PDILT: variants seen among roughly 807,000 people sequenced by gnomAD.
PDILT encodes protein disulfide isomerase like, testis expressed, also known as protein disulfide-isomerase-like protein of the testis.
PDILT carries 43 observed loss-of-function variants against 53.7 expected under a neutral mutation model. The ratio of observed to expected loss-of-function variants is 0.80; its 90% CI spans 0.63 to 1.03. The LOEUF (loss-of-function observed/expected upper bound fraction) is 1.03, where lower values mean the gene tolerates loss of function less well. PDILT is among the 50% of genes least tolerant of loss of function. The pLI is 0.00. For missense variants in PDILT, 727 were observed against 712.3 expected (o/e 1.02, Z -0.24); for synonymous variants, 282 against 274.2 (o/e 1.03, Z -0.28).
Position 20,359,244 on chromosome 16 carries a change from T to A in PDILT, c.*75A>T. On this transcript the variant is annotated 3_prime_UTR_variant, in exon 12 of 12. Coordinates refer to ENST00000302451, the MANE Select transcript of PDILT (RefSeq NM_174924.2). ...ACCCTACCACAATGATATATGCTTTTATTGGAATCAATCCATTCAGAAAAT... is the reference window on the plus strand; with the variant it reads ...ACCCTACCACAATGATATATGCTTTAATTGGAATCAATCCATTCAGAAAAT... The A allele has an allele frequency of 6.3e-7, 1 of 1,579,044 alleles. No homozygotes were observed. The highest frequency in any genetic ancestry group is 1.8e-5 in the Admixed American group (1 of 55,668).
At chr16:20,395,235 A>G (rs1966648137) in intron 2 of PDILT, among the ~76,000 whole-genome samples, 1 of 152,180 alleles carries the variant, frequency 6.6e-6, no homozygotes, top group Non-Finnish European at 1.5e-5. Flanking sequence ...GGAAACCTAA[A>G]ACATTCACCA....
chr16:20,373,522 C>T (rs2141714630), intron 5 of PDILT, among the ~76,000 whole-genome samples: 1 of 152,306 alleles, frequency 6.6e-6, no homozygotes, highest in South Asian at 2.1e-4. Context: ...CAGGACTTCT[C>T]TGATAGGTGT....
At chr16:20,403,344 C>T (rs948450815) in intron 1 of PDILT, among the ~76,000 whole-genome samples, 3 of 152,144 alleles carry the variant, frequency 2.0e-5, no homozygotes, top group Admixed American at 6.5e-5. Flanking sequence ...GGCTGGAGTG[C>T]AATCACATGA....
At position 20,376,159 on chromosome 16, in the gene PDILT, T is replaced by A; in HGVS notation, c.452A>T (p.Gln151Leu). 2 of 1,614,224 alleles carry A rather than the reference T, an allele frequency of 1.2e-6. 1 individual carries two copies. Residue 151 changes from glutamine to leucine, a missense_variant, in exon 4 of 12, where the codon CAA (glutamine) becomes CTA (leucine). By Grantham distance (113) the Gln-to-Leu change is moderately radical. Transcript: ENST00000302451. ...GAACAAAAATGCTTTCTGGCTAATT[T>A]GTCGTCTCAACCAAACGACTAAGGC... ...SAALVVWLRR[Q>L]ISQKAFLFNS...
intron 4 of PDILT, 122 bp downstream of exon 4, chr16:20,375,946 A>T: frequency 6.3e-6 from 8 of 1,277,392 alleles, no homozygotes; most frequent in Non-Finnish European, 6.5e-6. Flanking sequence ...TCCCCTAAAA[A>T]CCAGATCATT....
chr16:20,399,791 C>T (rs912423470), intron 1 of PDILT, among the ~76,000 whole-genome samples: 2 of 150,480 alleles, frequency 1.3e-5, no homozygotes, highest in African/African-American at 4.9e-5. Context: ...CTGCAGTGTA[C>T]CCTGTTTAAT....
At position 20,369,605 on chromosome 16, in the gene PDILT, A is replaced by C; in HGVS notation, c.1003T>G (p.Ser335Ala). ...GAGCTCAAGTTTAGGATTTGGACGG[A>C]TGGGATATCGACCTCTGTGACCCGG... ...YFRVTEVDIP[S>A]VQILNLSSDA... Residue 335 changes from serine to alanine, a missense_variant, in exon 8 of 12, where the codon TCC becomes GCC. By Grantham distance (99) the Ser-to-Ala change is moderately conservative. Transcript: ENST00000302451. 1 of 1,614,212 alleles carries C rather than the reference A, an allele frequency of 6.2e-7. No individual in the cohort carries two copies. The highest frequency in any genetic ancestry group is 8.5e-7 in the Non-Finnish European group (1 of 1,180,044).
chr16:20,365,590 G>C, intron 8 of PDILT, 50 bp from the exon 9 acceptor site: 1 of 1,591,046 alleles, frequency 6.3e-7, no homozygotes, highest in South Asian at 1.1e-5. Context: ...GGGTCTTGAA[G>C]TTGTGGGGCT....
chr16:20,386,414 C>G (rs150830773), intron 2 of PDILT, among the ~76,000 whole-genome samples: 1 of 152,178 alleles, frequency 6.6e-6, no homozygotes, highest in African/African-American at 2.4e-5. Flanking sequence ...TGCCGCCCAC[C>G]CCCGTGGTCC....
Position 20,372,937 on chromosome 16 carries a change from C to T in PDILT, c.793-10G>A, listed in dbSNP as rs1966327589. Reference sequence around the variant, plus strand: ...AAATCAGATCCTTATTCTGAAATGACCAGGAAAATATGTCATCCCAAGCAC... The same window carrying T: ...AAATCAGATCCTTATTCTGAAATGATCAGGAAAATATGTCATCCCAAGCAC... On this transcript the variant is annotated splice_polypyrimidine_tract_variant and intron_variant, in intron 6 of 11. Transcript: ENST00000302451. The T allele has an allele frequency of 1.9e-6, 3 of 1,613,980 alleles. No individual in the cohort carries two copies. In the East Asian group the frequency reaches 6.7e-5, roughly 36 times the overall value.
chr16:20,362,728 T>C, intron 9 of PDILT, 146 bp from the exon 10 acceptor site: 1 of 659,506 alleles, frequency 1.5e-6, no homozygotes. Flanking sequence ...ATATATTAGA[T>C]TATTTTTACA....
intron 10 of PDILT, among the ~76,000 whole-genome samples, chr16:20,361,612 G>T (rs941108676): frequency 2.0e-5 from 3 of 152,074 alleles, no homozygotes; most frequent in Admixed American, 6.5e-5. Context: ...ACAACTCCCC[G>T]ACATGCATCC....
chr16:20,368,716 CT>C (rs1267976094), intron 8 of PDILT, among the ~76,000 whole-genome samples: 1 of 152,090 alleles, frequency 6.6e-6, no homozygotes, highest in Non-Finnish European at 1.5e-5. Flanking sequence ...CTGCCTCAGC[CT>C]CCTAAGTAGC....
intron 2 of PDILT, among the ~76,000 whole-genome samples, chr16:20,389,594 C>T (rs1452243023): frequency 1.3e-5 from 2 of 152,136 alleles, no homozygotes; most frequent in African/African-American, 2.4e-5. Flanking sequence ...ATGGAGCTCT[C>T]ACATGGGTTT....
chr16:20,386,335 GA>G (rs1966537495), intron 2 of PDILT, among the ~76,000 whole-genome samples: 1 of 152,142 alleles, frequency 6.6e-6, no homozygotes, highest in African/African-American at 2.4e-5. Context: ...CATGACTGAG[GA>G]AGGGGGGCTG....
At chr16:20,388,994 G>A (rs2141614984) in intron 2 of PDILT, 1 of 152,166 alleles carries the variant, frequency 6.6e-6, no homozygotes, top group African/African-American at 2.4e-5. Context: ...TGAAATGAAT[G>A]CATACACTCC....
rs1966275288 is a variant in PDILT, at chr16:20,369,692, G to A, written c.919-3C>T. The A allele has an allele frequency of 1.2e-6, 2 of 1,613,914 alleles. No individual in the cohort carries two copies. Among genetic ancestry groups the A allele is most frequent in the Non-Finnish European group, 1.7e-6 (2 of 1,179,986 alleles). ...GCATCCACAAGGATGAAAAGGATCT[G>A]CCAAAGAAAACAAAACCCTTGTCTC... On this transcript the variant is annotated splice_region_variant and splice_polypyrimidine_tract_variant and intron_variant, in intron 7 of 11. Coordinates refer to ENST00000302451, the MANE Select transcript of PDILT (RefSeq NM_174924.2).
rs756754065 is a variant in PDILT at position 20,374,944 on chromosome 16, C to T, written c.559G>A (p.Val187Ile). The stretch of plus-strand genomic sequence containing the variant: ...ATCACATCATAGAACAACTCTGCTA[C>T]TTCTTCCTCTAAATCCTATTTGGGA... The part of the protein sequence containing the change: ...VGFFQDLEEE[V>I]AELFYDVIKD... Residue 187 changes from valine to isoleucine, a missense_variant, in exon 5 of 12, where the codon GTA (valine) becomes ATA (isoleucine). Physicochemically the swap from Val to Ile is conservative, Grantham distance 29. Coordinates refer to ENST00000302451, the MANE Select transcript of PDILT (RefSeq NM_174924.2). 5.0e-6 allele frequency: 8 copies of T among 1,609,896 alleles called. 1 individual carries two copies. In the South Asian group the frequency reaches 8.9e-5, roughly 18 times the overall value.
Position 20,384,757 on chromosome 16 carries a change from G to T in PDILT, c.297C>A (p.Gly99=), listed in dbSNP as rs893178850. Residue 99 remains glycine, a synonymous_variant, in exon 3 of 12, where the codon GGC becomes GGA. Transcript: ENST00000302451. Reference sequence around the variant, plus strand: ...CCTTCTCTATGGTAATGTCCACTTTGCCAAAGCCGATCCCATTCTTGCCTT... The same window carrying T: ...CCTTCTCTATGGTAATGTCCACTTTTCCAAAGCCGATCCCATTCTTGCCTT... ...MGKGKNGIGF[G]KVDITIEKEL... 6 of 1,613,994 alleles carry T rather than the reference G, an allele frequency of 3.7e-6. No homozygotes were observed. The African/African-American group carries it at 8.0e-5, about 22-fold the overall frequency.
Sources: allele counts gnomAD v4.1 joint callset (sites outside exome capture counted in the v4.1 genomes callset), GRCh38; gene constraint gnomAD v4.1.1; transcripts MANE v1.5; gene names NCBI Gene and HGNC (gene_info 2026-07-23, HGNC 2026-07-21).